The following VAV2 variants were observed in gnomAD, a reference collection of about 807,000 sequenced individuals.
VAV2 encodes the protein vav guanine nucleotide exchange factor 2, also known as guanine nucleotide exchange factor VAV2.
A neutral mutation model predicts 132.5 loss-of-function variants in VAV2; 67 were observed. The observed-to-expected ratio is 0.51, with a 90% CI of 0.42 to 0.62. The LOEUF (loss-of-function observed/expected upper bound fraction) is 0.62. VAV2 is among the 20% of genes least tolerant of loss of function. The pLI is 0.00. For missense variants in VAV2, 938 were observed against 1,153.6 expected (o/e 0.81, Z 2.71); for synonymous variants, 492 against 443.5 (o/e 1.11, Z -1.37).
At chr9:133,817,655 T>C (rs1564375148) in intron 4 of VAV2, among the ~76,000 whole-genome samples, 1 of 152,236 alleles carries the variant, frequency 6.6e-6, no homozygotes, top group Non-Finnish European at 1.5e-5. Flanking sequence ...TCCACCGTAC[T>C]ATCTTCAAGT....
At chr9:133,808,308 G>A (rs1564367504) in intron 7 of VAV2, among the ~76,000 whole-genome samples, 2 of 152,240 alleles carry the variant, frequency 1.3e-5, no homozygotes, top group Non-Finnish European at 2.9e-5. Flanking sequence ...CCGGAGCAAG[G>A]CCAGCCTGGG....
Position 133,802,976 on chromosome 9 carries a change from C to T in VAV2, c.836+3105G>A, listed in dbSNP as rs572756175. On this transcript the variant is annotated intron_variant, in intron 9 of 29. Transcript: ENST00000371850. This position sits in a 1 kb window ranked among gnomAD's most constrained non-coding sequence, Gnocchi z 5.8. Reference sequence around the variant, plus strand: ...TGACTTCAGAGGTTCCCAAAGGCAGCCCTGCCAGAGCAGGTGGCCAAGCCA... The same window carrying T: ...TGACTTCAGAGGTTCCCAAAGGCAGTCCTGCCAGAGCAGGTGGCCAAGCCA... Among the ~76,000 whole-genome samples, 1 of 152,236 alleles carries T rather than the reference C, an allele frequency of 6.6e-6. No individual in the cohort carries two copies. The highest frequency in any genetic ancestry group is 1.5e-5 in the Non-Finnish European group (1 of 68,036).
chr9:133,986,295 T>C (rs778141014), intron 1 of VAV2, among the ~76,000 whole-genome samples: 2 of 152,080 alleles, frequency 1.3e-5, no homozygotes, highest in African/African-American at 2.4e-5. Context: ...ACGCTGCTGA[T>C]GGGGGAGCAT....
intron 2 of VAV2, among the ~76,000 whole-genome samples, chr9:133,898,730 G>A (rs559572099): frequency 8.7e-4 from 133 of 152,076 alleles, no homozygotes; most frequent in Non-Finnish European, 1.6e-3. Context: ...GGCCAGGCCT[G>A]AGCTGGTGCT....
chr9:133,979,115 G>A (rs1351250686), intron 1 of VAV2, among the ~76,000 whole-genome samples: 3 of 152,210 alleles, frequency 2.0e-5, no homozygotes, highest in East Asian at 1.9e-4. Flanking sequence ...AAGAGCTTTC[G>A]TGCCAGGGGT....
intron 2 of VAV2, among the ~76,000 whole-genome samples, chr9:133,874,522 G>GCGTGAGTCACTGCCTC (rs1838186555): frequency 6.6e-6 from 1 of 152,164 alleles, no homozygotes; most frequent in Admixed American, 6.5e-5. Flanking sequence ...GCTGCCTAGC[G>GCGTGAGTCACTGCCTC]CGTGAGTCAC....
intron 1 of VAV2, among the ~76,000 whole-genome samples, chr9:133,951,051 G>A (rs973774560): frequency 5.3e-5 from 8 of 152,178 alleles, no homozygotes; most frequent in Non-Finnish European, 7.3e-5. Context: ...AACGATTCTC[G>A]CTATTATCCC....
Position 133,885,361 on chromosome 9 carries a change from C to A in VAV2, c.322-23929G>T, listed in dbSNP as rs573096043. ...CCCACAAGTTCAAGGTCGGTGTACT[C>A]AGGCATCCCTGTCACATCGATGAGC... On this transcript the variant is annotated intron_variant, in intron 2 of 29. Transcript: ENST00000371850. This position sits in a 1 kb window ranked among gnomAD's most constrained non-coding sequence, Gnocchi z 5.0. Among the ~76,000 whole-genome samples, 28 of 152,334 alleles carry A rather than the reference C, an allele frequency of 1.8e-4. No individual in the cohort carries two copies. The East Asian group carries it at 5.0e-3, about 27-fold the overall frequency.
At chr9:133,855,315 C>T (rs1027300983) in intron 3 of VAV2, among the ~76,000 whole-genome samples, 5 of 152,334 alleles carry the variant, frequency 3.3e-5, no homozygotes, top group East Asian at 1.9e-4. Context: ...ACGGAGCCTC[C>T]GGCTGAGATG....
At position 133,919,913 on chromosome 9, in the gene VAV2, G is replaced by A. The variant is rs745310174; in HGVS notation, c.321+19190C>T. On this transcript the variant is annotated intron_variant, in intron 2 of 29. Transcript: ENST00000371850. The surrounding 1 kb of genome is among the most constrained non-coding windows in gnomAD (Gnocchi z 5.8). ...CAGTTCTGCTGGACATACAGCGGCGGACCCAAGGCTGCTTTCCACGTTGCC... is the reference window on the plus strand; with the variant it reads ...CAGTTCTGCTGGACATACAGCGGCGAACCCAAGGCTGCTTTCCACGTTGCC... Among the ~76,000 whole-genome samples the A allele has an allele frequency of 3.3e-5, 5 of 152,150 alleles. No individual in the cohort carries two copies. Among genetic ancestry groups the A allele is most frequent in the Non-Finnish European group, 7.3e-5 (5 of 68,032 alleles).
At position 133,806,176 on chromosome 9, in the gene VAV2, C is replaced by T. The variant is rs750247914; in HGVS notation, c.741G>A (p.Leu247=). 6.2e-7 allele frequency: 1 copy of T among 1,611,720 alleles called. No homozygotes were observed. The highest frequency in any genetic ancestry group is 1.7e-5 in the Admixed American group (1 of 59,930). ...MAAVFINLED[L]IKVHHSFLRA... ...TCAGGAAGCTGTGATGCACCTTGATCAGGTCCTGGGTTGAAAACCAGCCGT... is the reference window on the plus strand; with the variant it reads ...TCAGGAAGCTGTGATGCACCTTGATTAGGTCCTGGGTTGAAAACCAGCCGT... Residue 247 remains leucine (L), a synonymous_variant, in exon 9 of 30, where the codon CTG becomes CTA. Transcript: ENST00000371850.
chr9:133,822,116 A>T (rs189833311), intron 4 of VAV2, among the ~76,000 whole-genome samples: 59 of 152,280 alleles, frequency 3.9e-4, no homozygotes, highest in African/African-American at 1.4e-3. Context: ...CGATTCTGTT[A>T]CAGAAAGGCA....
intron 3 of VAV2, among the ~76,000 whole-genome samples, chr9:133,859,642 A>AC (rs1229728831): frequency 1.5e-4 from 23 of 152,016 alleles, no homozygotes; most frequent in African/African-American, 5.3e-4. Flanking sequence ...AACAAAACAA[A>AC]ACAAAAAAAA....
intron 1 of VAV2, among the ~76,000 whole-genome samples, chr9:133,949,004 G>A (rs1279128107): frequency 2.0e-5 from 3 of 152,186 alleles, no homozygotes; most frequent in Non-Finnish European, 4.4e-5. Flanking sequence ...GCTGGCTTGC[G>A]TGAAGGCAGA....
chr9:133,831,302 G>A (rs1257874977), intron 4 of VAV2, among the ~76,000 whole-genome samples: 1 of 152,184 alleles, frequency 6.6e-6, no homozygotes, highest in Non-Finnish European at 1.5e-5. Context: ...CGGGCGTGGT[G>A]GTGCATGCCT....
In VAV2 at chr9:133,826,088, G is replaced by A. The variant is rs151038482; in HGVS notation, c.449+8184C>T. On this transcript the variant is annotated intron_variant, in intron 4 of 29. Coordinates refer to ENST00000371850, the MANE Select transcript of VAV2 (RefSeq NM_001134398.2). This position sits in a 1 kb window ranked among gnomAD's most constrained non-coding sequence, Gnocchi z 4.2. The stretch of plus-strand genomic sequence containing the variant: ...CAACTCCCAGGAAAGTGAAACCAGT[G>A]TTATGCAAAGCAGGCTCCTAAATCA... Among the ~76,000 whole-genome samples the A allele has an allele frequency of 6.6e-6, 1 of 152,326 alleles. No individual in the cohort carries two copies. Among genetic ancestry groups the A allele is most frequent in the East Asian group, 1.9e-4 (1 of 5,178 alleles).
chr9:133,953,310 A>G (rs981158184), intron 1 of VAV2, among the ~76,000 whole-genome samples: 1 of 152,240 alleles, frequency 6.6e-6, no homozygotes, highest in South Asian at 2.1e-4. Flanking sequence ...GTGCCCCCCA[A>G]GCCCACCACA....
rs1482562192 is a variant in VAV2 at position 133,889,013 on chromosome 9, C to CCG, written c.322-27582_322-27581insCG. On this transcript the variant is annotated intron_variant, in intron 2 of 29. Coordinates refer to ENST00000371850, the MANE Select transcript of VAV2 (RefSeq NM_001134398.2). Reference sequence around the variant, plus strand: ...GGGCAGGGACACCGCGTCCCCGTCCCTGGGGAAGCCTCACTTCTGAGGAGC... The same window carrying CCG: ...GGGCAGGGACACCGCGTCCCCGTCCCCGTGGGGAAGCCTCACTTCTGAGGAGC... Among the ~76,000 whole-genome samples the CCG allele has an allele frequency of 7.9e-5, 12 of 152,314 alleles. No individual in the cohort carries two copies. In the South Asian group the frequency reaches 2.3e-3, roughly 29 times the overall value.
intron 1 of VAV2, among the ~76,000 whole-genome samples, chr9:133,974,585 C>T (rs1842446378): frequency 6.6e-6 from 1 of 152,190 alleles, no homozygotes; most frequent in Non-Finnish European, 1.5e-5. Flanking sequence ...AATGGGTAAA[C>T]TGAGGCTCAG....
Sources: allele counts gnomAD v4.1 joint callset (sites outside exome capture counted in the v4.1 genomes callset), GRCh38; gene constraint gnomAD v4.1.1; non-coding constraint Gnocchi (gnomAD v3.1); transcripts MANE v1.5; gene names NCBI Gene and HGNC (gene_info 2026-07-23, HGNC 2026-07-21).